GNG12: variants seen among roughly 807,000 people sequenced by gnomAD.
GNG12 encodes the protein G protein subunit gamma 12.
For synonymous variants in GNG12, 28 were observed against 29.7 expected (o/e 0.94, Z 0.19); for missense variants, 69 against 83.8 (o/e 0.82, Z 0.69).
At chr1:67,773,601 C>T (rs1055648819) in intron 2 of GNG12, among the ~76,000 whole-genome samples, 2 of 152,104 alleles carry the variant, frequency 1.3e-5, no homozygotes, top group African/African-American at 2.4e-5. Flanking sequence ...AGGAGAGAGA[C>T]ATGGAGCAAG....
intron 1 of GNG12, among the ~76,000 whole-genome samples, chr1:67,826,808 G>GA (rs1158324919): frequency 2.0e-5 from 3 of 152,072 alleles, no homozygotes; most frequent in Non-Finnish European, 4.4e-5. Flanking sequence ...CTTCATTTGA[G>GA]AAAAAACCTT....
At chr1:67,831,798 CA>C (rs571247157) in intron 1 of GNG12, among the ~76,000 whole-genome samples, 91 of 152,124 alleles carry the variant, frequency 6.0e-4, no homozygotes, top group African/African-American at 2.2e-3. Context: ...AAAACAAAAA[CA>C]AAACAAAACA....
intron 1 of GNG12, among the ~76,000 whole-genome samples, chr1:67,787,019 A>C (rs1570548335): frequency 7.7e-6 from 1 of 129,180 alleles, no homozygotes; most frequent in Admixed American, 8.6e-5. Flanking sequence ...GTGTGTGTGT[A>C]TATATGTATG....
chr1:67,825,188 A>C, intron 1 of GNG12, among the ~76,000 whole-genome samples: 1 of 152,248 alleles, frequency 6.6e-6, no homozygotes, highest in East Asian at 1.9e-4. Context: ...CTATTTAAAG[A>C]AATTCTGTAA....
chr1:67,758,498 T>C (rs1467777121), intron 2 of GNG12, among the ~76,000 whole-genome samples: 1 of 152,202 alleles, frequency 6.6e-6, no homozygotes, highest in Non-Finnish European at 1.5e-5. Context: ...CAGCTTGGCA[T>C]TGGCCTGGTG....
At chr1:67,771,891 A>C (rs1282491245) in intron 2 of GNG12, among the ~76,000 whole-genome samples, 2 of 152,242 alleles carry the variant, frequency 1.3e-5, no homozygotes, top group Non-Finnish European at 1.5e-5. Flanking sequence ...GAAAGTTTAC[A>C]TATGTGCCTA....
intron 1 of GNG12, among the ~76,000 whole-genome samples, chr1:67,807,732 T>C (rs894351179): frequency 6.6e-6 from 1 of 152,100 alleles, no homozygotes; most frequent in Non-Finnish European, 1.5e-5. Flanking sequence ...GACATACTCC[T>C]TGAAAGATAC....
rs1354189866 is a variant in GNG12 at position 67,703,580 on chromosome 1, C to T, written c.*1871G>A. On this transcript the variant is annotated 3_prime_UTR_variant, in exon 4 of 4. Coordinates refer to ENST00000370982, the MANE Select transcript of GNG12 (RefSeq NM_018841.6). ...TTTAGTGTAAATTTCAAATCTCACC[C>T]TTTGAGAGGTAAAATCTTCCTCTCT... 6.6e-6 allele frequency: 1 copy of T among 152,112 alleles called. No individual in the cohort carries two copies. Among genetic ancestry groups the T allele is most frequent in the Non-Finnish European group, 1.5e-5 (1 of 68,020 alleles). The allele number at this position is 152,112 out of a possible 1,614,324, so 9.4% of individuals were successfully genotyped here.
intron 1 of GNG12, among the ~76,000 whole-genome samples, chr1:67,832,011 A>C (rs1647048698): frequency 1.3e-5 from 2 of 152,190 alleles, no homozygotes; most frequent in South Asian, 4.1e-4. Flanking sequence ...AAAATAGAGA[A>C]GGCACAGACG....
At chr1:67,755,371 T>C (rs948481405) in intron 2 of GNG12, among the ~76,000 whole-genome samples, 2 of 152,240 alleles carry the variant, frequency 1.3e-5, no homozygotes. Context: ...CTTCCTATTT[T>C]GTCTTAGAGG....
chr1:67,768,996 G>A (rs575331291), intron 2 of GNG12, among the ~76,000 whole-genome samples: 1 of 152,292 alleles, frequency 6.6e-6, no homozygotes, highest in East Asian at 1.9e-4. Context: ...GGGAGGAAAG[G>A]AGGGAGCTGT....
chr1:67,829,654 A>G (rs1376747374), intron 1 of GNG12, among the ~76,000 whole-genome samples: 2 of 152,234 alleles, frequency 1.3e-5, no homozygotes, highest in Non-Finnish European at 2.9e-5. Flanking sequence ...ACACTTATTG[A>G]AGCATAGATT....
intron 2 of GNG12, among the ~76,000 whole-genome samples, chr1:67,739,110 CG>C (rs1646468869): frequency 6.6e-6 from 1 of 152,050 alleles, no homozygotes; most frequent in Admixed American, 6.5e-5. Flanking sequence ...ACCTAGGAGG[CG>C]GAGGTTGTGG....
At chr1:67,742,880 G>A (rs1646490245) in intron 2 of GNG12, among the ~76,000 whole-genome samples, 2 of 151,466 alleles carry the variant, frequency 1.3e-5, no homozygotes, top group Non-Finnish European at 1.5e-5. Flanking sequence ...TTTTATGGAT[G>A]ATATTGACAC....
At chr1:67,783,303 T>A (rs1041519897) in intron 1 of GNG12, among the ~76,000 whole-genome samples, 1 of 152,224 alleles carries the variant, frequency 6.6e-6, no homozygotes, top group East Asian at 1.9e-4. Context: ...ACAATGGACA[T>A]CTTCATGGCT....
At chr1:67,708,942 A>G (rs1369906670) in intron 2 of GNG12, among the ~76,000 whole-genome samples, 1 of 152,216 alleles carries the variant, frequency 6.6e-6, no homozygotes, top group African/African-American at 2.4e-5. Context: ...GCTGCAAAAA[A>G]ACACTAGCAA....
intron 2 of GNG12, among the ~76,000 whole-genome samples, chr1:67,722,785 A>G (rs147673802): frequency 5.9e-5 from 9 of 152,310 alleles, no homozygotes; most frequent in Non-Finnish European, 1.3e-4. Context: ...TGGAACAGAA[A>G]TGGGAGACAG....
At chr1:67,749,414 T>C (rs1032073434) in intron 2 of GNG12, among the ~76,000 whole-genome samples, 2 of 152,204 alleles carry the variant, frequency 1.3e-5, no homozygotes, top group African/African-American at 4.8e-5. Context: ...ATGGAGTGCC[T>C]GGAACACAGT....
chr1:67,738,703 C>A (rs1646465790), intron 2 of GNG12, among the ~76,000 whole-genome samples: 1 of 152,172 alleles, frequency 6.6e-6, no homozygotes, highest in Admixed American at 6.5e-5. Flanking sequence ...ATACACAGAA[C>A]CTGTCACTAC....
Sources: allele counts gnomAD v4.1 joint callset (sites outside exome capture counted in the v4.1 genomes callset), GRCh38; gene constraint gnomAD v4.1.1; transcripts MANE v1.5; gene names NCBI Gene and HGNC (gene_info 2026-07-23, HGNC 2026-07-21).